KCNC2: variants seen among roughly 807,000 people sequenced by gnomAD.
The protein encoded by KCNC2 is voltage-gated potassium channel KCNC2.
A neutral mutation model predicts 44.5 loss-of-function variants in KCNC2; 21 were observed. The ratio of observed to expected loss-of-function variants is 0.47; its 90% CI spans 0.33 to 0.68. KCNC2 has a LOEUF of 0.68. Ranked by LOEUF, KCNC2 falls within the 30% of genes least tolerant of loss-of-function variation. The pLI, the probability that KCNC2 is intolerant of heterozygous loss-of-function variation, is 0.01. For missense variants in KCNC2, 589 were observed against 826.2 expected (o/e 0.71, Z 3.52); for synonymous variants, 391 against 339.1 (o/e 1.15, Z -1.68).
intron 2 of KCNC2, among the ~76,000 whole-genome samples, chr12:75,198,723 C>G (rs1156756823): frequency 6.6e-6 from 1 of 151,726 alleles, no homozygotes; most frequent in Non-Finnish European, 1.5e-5. Flanking sequence ...AATCCTAAGT[C>G]AATAAACTTA....
chr12:75,114,336 C>A (rs1592901402), intron 2 of KCNC2, among the ~76,000 whole-genome samples: 1 of 152,196 alleles, frequency 6.6e-6, no homozygotes, highest in Non-Finnish European at 1.5e-5. Flanking sequence ...TACCCTATAG[C>A]AAATCTATCA....
intron 2 of KCNC2, among the ~76,000 whole-genome samples, chr12:75,199,668 A>C (rs566722221): frequency 6.6e-6 from 1 of 151,996 alleles, no homozygotes; most frequent in South Asian, 2.1e-4. Context: ...CAATAGCTCT[A>C]AATGCTTTTC....
intron 2 of KCNC2, among the ~76,000 whole-genome samples, chr12:75,070,575 C>A (rs75339311): frequency 6.6e-6 from 1 of 151,946 alleles, no homozygotes; most frequent in Admixed American, 6.6e-5. Flanking sequence ...TGTCTGACAC[C>A]TGCATTGCCA....
At chr12:75,161,354 C>T (rs1209510864) in intron 2 of KCNC2, among the ~76,000 whole-genome samples, 4 of 151,578 alleles carry the variant, frequency 2.6e-5, no homozygotes, top group African/African-American at 2.4e-5. Flanking sequence ...TTACTCATAG[C>T]AGCACGGGAA....
intron 2 of KCNC2, among the ~76,000 whole-genome samples, chr12:75,126,608 G>A (rs924532223): frequency 6.6e-6 from 1 of 152,072 alleles, no homozygotes; most frequent in African/African-American, 2.4e-5. Context: ...TATAAAGAAG[G>A]TAGAAATAGC....
intron 2 of KCNC2, among the ~76,000 whole-genome samples, chr12:75,147,959 G>A (rs2137445249): frequency 6.6e-6 from 1 of 152,232 alleles, no homozygotes; most frequent in Middle Eastern, 3.4e-3. Context: ...ATCAGACTTA[G>A]GAGTTTGGAC....
At chr12:75,137,890 C>T (rs904571415) in intron 2 of KCNC2, among the ~76,000 whole-genome samples, 8 of 152,110 alleles carry the variant, frequency 5.3e-5, no homozygotes, top group African/African-American at 1.9e-4. Context: ...TAGCAGTTCA[C>T]ATTATTTTAA....
Position 75,207,334 on chromosome 12 carries a change from GC to G in KCNC2, c.649del (p.Ala217ProfsTer66). 1 of 1,569,714 alleles carries G rather than the reference GC, an allele frequency of 6.4e-7. No individual in the cohort carries two copies. Among genetic ancestry groups the G allele is most frequent in the Admixed American group, 1.9e-5 (1 of 52,036 alleles). Reference sequence around the variant, plus strand: ...GGACGAGTAGGGGTCTTCGAAGAGGGCCCACATGCGGGGCTGCAGCCTCCTC... The same window carrying G: ...GGACGAGTAGGGGTCTTCGAAGAGGGCCACATGCGGGGCTGCAGCCTCCTC... ...RWRRLQPRMW[A>X]LFEDPYSSRA... On this transcript the variant is annotated frameshift_variant, in exon 2 of 5. Coordinates refer to ENST00000549446, the MANE Select transcript of KCNC2 (RefSeq NM_139137.4). LOFTEE classifies it high-confidence loss of function. The surrounding 1 kb of genome is among the most constrained non-coding windows in gnomAD (Gnocchi z 4.1).
intron 2 of KCNC2, among the ~76,000 whole-genome samples, chr12:75,061,905 C>A (rs1449456594): frequency 1.3e-5 from 2 of 151,950 alleles, no homozygotes; most frequent in Non-Finnish European, 2.9e-5. Flanking sequence ...AAGGGCTATG[C>A]CACTGATAAC....
chr12:75,175,672 G>A (rs1208751850), intron 2 of KCNC2, among the ~76,000 whole-genome samples: 1 of 152,028 alleles, frequency 6.6e-6, no homozygotes, highest in Non-Finnish European at 1.5e-5. Context: ...TCTCTGAAGA[G>A]CTGTAATTAA....
intron 2 of KCNC2, among the ~76,000 whole-genome samples, chr12:75,062,014 T>C (rs746529359): frequency 1.3e-5 from 2 of 152,092 alleles, no homozygotes; most frequent in African/African-American, 2.4e-5. Context: ...AAATAAAACG[T>C]ATGCTTTCTT....
At chr12:75,125,730 G>A (rs1396326524) in intron 2 of KCNC2, among the ~76,000 whole-genome samples, 1 of 152,100 alleles carries the variant, frequency 6.6e-6, no homozygotes, top group East Asian at 1.9e-4. Context: ...CATGGTCATT[G>A]CCAATTTACG....
intron 2 of KCNC2, among the ~76,000 whole-genome samples, chr12:75,163,309 G>T (rs1490679559): frequency 6.6e-6 from 1 of 151,730 alleles, no homozygotes; most frequent in Non-Finnish European, 1.5e-5. Context: ...GAGGGAAAAT[G>T]ATTGATTAGG....
intron 2 of KCNC2, among the ~76,000 whole-genome samples, chr12:75,106,314 T>C (rs953420801): frequency 6.6e-6 from 1 of 152,132 alleles, no homozygotes; most frequent in African/African-American, 2.4e-5. Context: ...AGAGGAAATA[T>C]GGACAGCTCT....
intron 2 of KCNC2, among the ~76,000 whole-genome samples, chr12:75,120,727 T>C (rs142748747): frequency 2.8e-4 from 43 of 152,282 alleles, no homozygotes; most frequent in African/African-American, 9.9e-4. Flanking sequence ...TGGACCTTAG[T>C]AAGTGTTTCT....
intron 2 of KCNC2, among the ~76,000 whole-genome samples, chr12:75,113,033 C>T (rs1887371259): frequency 6.6e-6 from 1 of 152,074 alleles, no homozygotes; most frequent in African/African-American, 2.4e-5. Context: ...AACCAGGAAA[C>T]TTGAATTTAA....
At chr12:75,074,397 T>C (rs1883721321) in intron 2 of KCNC2, among the ~76,000 whole-genome samples, 1 of 152,094 alleles carries the variant, frequency 6.6e-6, no homozygotes, top group South Asian at 2.1e-4. Flanking sequence ...AAAGTTTGTG[T>C]ACTCCTCTTA....
intron 2 of KCNC2, among the ~76,000 whole-genome samples, chr12:75,155,294 T>A (rs2137490187): frequency 6.6e-6 from 1 of 152,026 alleles, no homozygotes; most frequent in South Asian, 2.1e-4. Context: ...TCTCAAGCAC[T>A]AGACTATTTA....
chr12:75,175,179 C>T (rs779412102), intron 2 of KCNC2, among the ~76,000 whole-genome samples: 6 of 151,942 alleles, frequency 3.9e-5, no homozygotes, highest in Non-Finnish European at 8.8e-5. Context: ...CTCAGTCACA[C>T]TGAACCAGGA....
Sources: gnomAD v4.1 joint callset for allele counts (sites outside exome capture counted in the v4.1 genomes callset) on GRCh38, gnomAD v4.1.1 for gene constraint, Gnocchi (gnomAD v3.1) non-coding constraint, MANE v1.5 for transcripts, NCBI Gene and HGNC (gene_info 2026-07-23, HGNC 2026-07-21) for gene names.